The following LRP1B variants were observed in gnomAD, a reference collection of about 807,000 sequenced individuals.
LRP1B encodes the protein LDL receptor related protein 1B, also known as low-density lipoprotein receptor-related protein 1B.
A neutral mutation model predicts 556.6 loss-of-function variants in LRP1B; 217 were observed. The observed-to-expected ratio is 0.39, with a 90% confidence interval of 0.35 to 0.44. The LOEUF is 0.44. Ranked by LOEUF, LRP1B falls within the 20% of genes least tolerant of loss-of-function variation. The probability of loss-of-function intolerance (pLI) is 1.00; values close to 1 mark genes in which losing one functional copy is unlikely to be tolerated. For synonymous variants in LRP1B, 2,047 were observed against 1,865.8 expected, an observed-to-expected ratio of 1.10 and a Z score of -2.50; for missense variants, 5,053 against 5,620.8, an observed-to-expected ratio of 0.90 and a Z score of 3.23.
At chr2:141,922,501 T>A (rs1402790667) in intron 1 of LRP1B, among the ~76,000 whole-genome samples, 1 of 152,210 alleles carries the variant, frequency 6.6e-6, no homozygotes, top group Non-Finnish European at 1.5e-5. Context: ...ACACTTTAGA[T>A]TACATACAGC....
chr2:140,917,210 TA>T (rs1290251525), intron 21 of LRP1B, among the ~76,000 whole-genome samples: 7 of 152,168 alleles, frequency 4.6e-5, no homozygotes, highest in Non-Finnish European at 8.8e-5. Context: ...TGTTCAAGGA[TA>T]TAGAGCAGCA....
chr2:141,877,698 A>G (rs1421156453), intron 1 of LRP1B, among the ~76,000 whole-genome samples: 1 of 151,974 alleles, frequency 6.6e-6, no homozygotes, highest in Non-Finnish European at 1.5e-5. Context: ...TAATACTCAA[A>G]CTGATGTATA....
intron 3 of LRP1B, among the ~76,000 whole-genome samples, chr2:141,412,333 CA>C (rs1207014889): frequency 6.6e-6 from 1 of 152,174 alleles, no homozygotes; most frequent in Non-Finnish European, 1.5e-5. Flanking sequence ...AGAATTCATA[CA>C]AATGAGCTCT....
intron 3 of LRP1B, among the ~76,000 whole-genome samples, chr2:141,409,186 AGTCTTGACACAC>A (rs1251015080): frequency 6.6e-6 from 1 of 152,256 alleles, no homozygotes; most frequent in Non-Finnish European, 1.5e-5. Context: ...TATATGCAAT[AGTCTTGACACAC>A]GTTAAGTTAT....
chr2:141,802,513 G>A (rs1368323843), intron 2 of LRP1B, among the ~76,000 whole-genome samples: 1 of 151,936 alleles, frequency 6.6e-6, no homozygotes, highest in African/African-American at 2.4e-5. Flanking sequence ...CTTCAACAGG[G>A]CCAATATAGC....
intron 35 of LRP1B, among the ~76,000 whole-genome samples, chr2:140,756,445 T>C (rs772342803): frequency 2.0e-5 from 3 of 152,046 alleles, no homozygotes; most frequent in Admixed American, 2.0e-4. Flanking sequence ...TACAAAGCTA[T>C]AGTAATCAAG....
At chr2:140,373,215 A>C (rs965522001) in intron 68 of LRP1B, 78 bp from the exon 69 acceptor site, 2 of 1,273,148 alleles carry the variant, frequency 1.6e-6, no homozygotes, top group African/African-American at 3.0e-5. Context: ...AAGAAAACTT[A>C]TGTACAGAAA....
At chr2:140,724,893 C>A (rs1487003102) in intron 35 of LRP1B, among the ~76,000 whole-genome samples, 1 of 152,192 alleles carries the variant, frequency 6.6e-6, no homozygotes, top group Non-Finnish European at 1.5e-5. Flanking sequence ...TCCTGATGAT[C>A]TGGTTGCACA....
At position 140,456,494 on chromosome 2, in the gene LRP1B, A is replaced by T. The variant is rs371642912; in HGVS notation, c.9924T>A (p.Ala3308=). The change falls in exon 62 of 91, where the codon GCT becomes GCA. Residue 3308 remains alanine (A), a synonymous_variant. Coordinates refer to ENST00000389484, the MANE Select transcript of LRP1B (RefSeq NM_018557.3). ...CACPTNFYLA[A]DNRTCLSNCT... is the part of the protein sequence containing the mutation. ...AGTTGGATAAGCAAGTCCTATTATCAGCTGCCAGATAGAAGTTAGTGGGAC... is the reference window on the plus strand; with the variant it reads ...AGTTGGATAAGCAAGTCCTATTATCTGCTGCCAGATAGAAGTTAGTGGGAC... 16 of 1,613,470 alleles carry T rather than the reference A, an allele frequency of 9.9e-6. No individual in the cohort carries two copies. Among genetic ancestry groups the T allele is most frequent in the Non-Finnish European group, 1.4e-5 (16 of 1,179,596 alleles).
At chr2:142,117,263 T>G (rs1447584769) in intron 1 of LRP1B, among the ~76,000 whole-genome samples, 1 of 152,184 alleles carries the variant, frequency 6.6e-6, no homozygotes, top group African/African-American at 2.4e-5. Context: ...TCATTAATGA[T>G]TTTCTCTGCA....
chr2:141,684,441 C>G (rs1320798525), intron 2 of LRP1B, among the ~76,000 whole-genome samples: 1 of 151,780 alleles, frequency 6.6e-6, no homozygotes, highest in Non-Finnish European at 1.5e-5. Flanking sequence ...ACATCACAAA[C>G]CAGGGCCTGC....
At chr2:140,352,492 A>C (rs1014431735) in intron 76 of LRP1B, among the ~76,000 whole-genome samples, 1 of 152,086 alleles carries the variant, frequency 6.6e-6, no homozygotes, top group Non-Finnish European at 1.5e-5. Flanking sequence ...AATCTTTTTA[A>C]AAAATAATAT....
intron 1 of LRP1B, among the ~76,000 whole-genome samples, chr2:142,047,431 A>G (rs1235184239): frequency 6.6e-6 from 1 of 152,038 alleles, no homozygotes; most frequent in Non-Finnish European, 1.5e-5. Context: ...GAAGGTCTGT[A>G]GTCGTTTATA....
intron 2 of LRP1B, among the ~76,000 whole-genome samples, chr2:141,609,242 G>A (rs1688023098): frequency 6.6e-6 from 1 of 152,088 alleles, no homozygotes; most frequent in Admixed American, 6.6e-5. Flanking sequence ...GAGATGTATA[G>A]GAGAACACTA....
intron 1 of LRP1B, among the ~76,000 whole-genome samples, chr2:141,978,103 T>G (rs1701936114): frequency 6.6e-6 from 1 of 152,146 alleles, no homozygotes; most frequent in African/African-American, 2.4e-5. Context: ...TATTCTCATC[T>G]CAGTTGATTA....
intron 3 of LRP1B, among the ~76,000 whole-genome samples, chr2:141,437,092 C>A (rs1680790304): frequency 6.6e-6 from 1 of 152,082 alleles, no homozygotes; most frequent in Admixed American, 6.6e-5. Flanking sequence ...CTAAAGCACA[C>A]CCAGGCTATT....
intron 23 of LRP1B, among the ~76,000 whole-genome samples, chr2:140,896,318 A>C (rs111756451): frequency 0.032 from 4,798 of 152,192 alleles, 108 homozygotes; most frequent in Middle Eastern, 0.058. Flanking sequence ...ATATCATTTT[A>C]TATAATAAGA....
intron 11 of LRP1B, among the ~76,000 whole-genome samples, chr2:141,029,494 C>G (rs1013706574): frequency 5.9e-5 from 9 of 152,102 alleles, no homozygotes; most frequent in African/African-American, 1.9e-4. Flanking sequence ...AAGGGGACCA[C>G]AGGGTGACTG....
intron 51 of LRP1B, among the ~76,000 whole-genome samples, chr2:140,511,298 T>TG (rs903577697): frequency 1.5e-5 from 2 of 129,266 alleles, no homozygotes; most frequent in African/African-American, 6.1e-5. Flanking sequence ...GGGTCTTTTT[T>TG]TTTTTTTTTT....
Sources: allele counts gnomAD v4.1 joint callset (sites outside exome capture counted in the v4.1 genomes callset), GRCh38; gene constraint gnomAD v4.1.1; transcripts MANE v1.5; gene names NCBI Gene and HGNC (gene_info 2026-07-23, HGNC 2026-07-21).